The following ZNF737 variants were observed in gnomAD, a reference collection of about 807,000 sequenced individuals.
ZNF737 encodes the protein zinc finger protein 737, also known as zinc finger protein 102 (Y3).
ZNF737 carries 13 observed loss-of-function variants against 11.7 expected under a neutral mutation model. The observed-to-expected ratio is 1.11, with a 90% CI of 0.73 to 1.77. ZNF737 has a LOEUF of 1.77. ZNF737 is among the 40% of genes most tolerant of loss of function. The probability of loss-of-function intolerance (pLI) is 0.00; values close to 1 mark genes in which losing one functional copy is unlikely to be tolerated. For synonymous variants in ZNF737, 217 were observed against 216.2 expected, an observed-to-expected ratio of 1.00 and a Z score of -0.03; for missense variants, 636 against 638.0, an observed-to-expected ratio of 1.00 and a Z score of 0.03.
Position 20,542,314 on chromosome 19 carries a change from TG to T in ZNF737, c.*2277del. ...CACAATCTTGCCCCACTGCAACCTCTGCCTCCCAGGTTCAAGTGTTTCTCCT... is the reference window on the plus strand; with the variant it reads ...CACAATCTTGCCCCACTGCAACCTCTCCTCCCAGGTTCAAGTGTTTCTCCT... On this transcript the variant is annotated 3_prime_UTR_variant, in exon 4 of 4. Transcript: ENST00000427401. 1 of 507,980 alleles carries T rather than the reference TG, an allele frequency of 2.0e-6. No homozygotes were observed. Among genetic ancestry groups the T allele is most frequent in the Non-Finnish European group, 2.5e-6 (1 of 393,954 alleles). The allele number at this position is 507,980 out of a possible 1,614,324, so 31.5% of individuals were successfully genotyped here.
intron 1 of ZNF737, among the ~76,000 whole-genome samples, chr19:20,558,930 G>A (rs1568435885): frequency 6.6e-6 from 1 of 152,220 alleles, no homozygotes; most frequent in Non-Finnish European, 1.5e-5. Context: ...CAAGGGAAAT[G>A]TGGGAAGAAT....
At chr19:20,537,468 CTGA>C (rs145617814), downstream of ZNF737, among the ~76,000 whole-genome samples, 6,732 of 145,596 alleles carry the variant, frequency 0.046, 233 homozygotes, top group Middle Eastern at 0.18. Flanking sequence ...TCCCAAAATG[CTGA>C]CATTACAGGC....
downstream of ZNF737, among the ~76,000 whole-genome samples, chr19:20,534,890 CAAGT>C (rs1373061036): frequency 6.7e-6 from 1 of 150,044 alleles, no homozygotes; most frequent in African/African-American, 2.5e-5. Flanking sequence ...TATATTGTCT[CAAGT>C]TATGTTAACA....
At position 20,542,737 on chromosome 19, in the gene ZNF737, T is replaced by C; in HGVS notation, c.*1855A>G. The C allele has an allele frequency of 2.0e-6, 2 of 984,480 alleles. No individual in the cohort carries two copies. The highest frequency in any genetic ancestry group is 2.4e-6 in the Non-Finnish European group (2 of 829,126). The allele number at this position is 984,480 out of a possible 1,614,324, so 61.0% of individuals were successfully genotyped here. On this transcript the variant is annotated 3_prime_UTR_variant, in exon 4 of 4. Coordinates refer to ENST00000427401, the MANE Select transcript of ZNF737 (RefSeq NM_001159293.2). ...TATTTTCATTATGCGTCTTACATTT[T>C]AATGTTCTTACTATTTTATAGAAAA... is the stretch of plus-strand genomic sequence containing the variant.
rs139366556 is a variant in ZNF737, at chr19:20,541,864, T to G, written c.*2728A>C. ...TAATACAAAAGATAAATGCTAGAGG[T>G]GATGGATACCTTATTTACCATAATG... On this transcript the variant is annotated 3_prime_UTR_variant, in exon 4 of 4. Coordinates refer to ENST00000427401, the MANE Select transcript of ZNF737 (RefSeq NM_001159293.2). 6 of 222,620 alleles carry G rather than the reference T, an allele frequency of 2.7e-5. No homozygotes were observed. Among genetic ancestry groups the G allele is most frequent in the Non-Finnish European group, 4.5e-5 (6 of 132,768 alleles). The allele number at this position is 222,620 out of a possible 1,614,324, so 13.8% of individuals were successfully genotyped here.
At chr19:20,553,372 C>T (rs1409712451) in intron 2 of ZNF737, among the ~76,000 whole-genome samples, 2 of 152,142 alleles carry the variant, frequency 1.3e-5, no homozygotes, top group Non-Finnish European at 2.9e-5. Flanking sequence ...TATTCTCCTG[C>T]CTCACCTTCC....
rs1555754543 is a variant in ZNF737 at position 20,539,112 on chromosome 19, A to T, written c.*5480T>A. 1 of 633,598 alleles carries T rather than the reference A, an allele frequency of 1.6e-6. No homozygotes were observed. Among genetic ancestry groups the T allele is most frequent in the East Asian group, 1.6e-4 (1 of 6,360 alleles). The allele number at this position is 633,598 out of a possible 1,614,324, so 39.2% of individuals were successfully genotyped here. ...GGAGTTCAAGACAAGCCTGGCTAAC[A>T]TGATGAAATCCCATCTCTACTACAA... On this transcript the variant is annotated 3_prime_UTR_variant, in exon 4 of 4. Coordinates refer to ENST00000427401, the MANE Select transcript of ZNF737 (RefSeq NM_001159293.2).
chr19:20,559,903 A>C (rs1255553148), intron 1 of ZNF737, among the ~76,000 whole-genome samples: 1 of 152,082 alleles, frequency 6.6e-6, no homozygotes, highest in Non-Finnish European at 1.5e-5. Flanking sequence ...GCAGTGGTTC[A>C]CGCCTGTAAT....
At position 20,545,640 on chromosome 19, in the gene ZNF737, A is replaced by G; in HGVS notation, c.563T>C (p.Leu188Pro). 2 of 1,613,996 alleles carry G rather than the reference A, an allele frequency of 1.2e-6. No individual in the cohort carries two copies. The highest frequency in any genetic ancestry group is 1.1e-5 in the South Asian group (1 of 91,044). Residue 188 changes from leucine (L) to proline (P), a missense_variant, in exon 4 of 4, where the codon CTT (leucine) becomes CCT (proline). Transcript: ENST00000427401. ...CGKAFNQSST[L>P]TTHKKIHTGE... ...AGTATGAATTTTCTTATGTGTAGTAAGGGTTGAAGACTGGTTAAAAGCTTT... is the reference window on the plus strand; with the variant it reads ...AGTATGAATTTTCTTATGTGTAGTAGGGGTTGAAGACTGGTTAAAAGCTTT...
chr19:20,555,238 A>G (rs1469963342), intron 1 of ZNF737, among the ~76,000 whole-genome samples: 1 of 150,170 alleles, frequency 6.7e-6, no homozygotes, highest in Non-Finnish European at 1.5e-5. Context: ...GCTGGAGTGC[A>G]GTGGCGCAAC....
downstream of ZNF737, among the ~76,000 whole-genome samples, chr19:20,530,862 G>A (rs569172207): frequency 2.0e-5 from 3 of 148,508 alleles, 1 homozygote; most frequent in South Asian, 6.7e-4. Context: ...TGCACTTTGG[G>A]GGGCCAAGGC....
At chr19:20,561,265 G>A (rs1555762366) in intron 1 of ZNF737, among the ~76,000 whole-genome samples, 1 of 152,144 alleles carries the variant, frequency 6.6e-6, no homozygotes, top group African/African-American at 2.4e-5. Flanking sequence ...GTCTGGGGGT[G>A]GGGATACGCC....
In ZNF737 at chr19:20,539,422, A is replaced by G. The variant is rs33935; in HGVS notation, c.*5170T>C. 46,869 of 985,396 alleles carry G rather than the reference A, an allele frequency of 0.048. 1,266 individuals are homozygous for G. The highest frequency in any genetic ancestry group is 0.19 in the East Asian group (1,649 of 8,810). The allele number at this position is 985,396 out of a possible 1,614,324, so 61.0% of individuals were successfully genotyped here. On this transcript the variant is annotated 3_prime_UTR_variant, in exon 4 of 4. Transcript: ENST00000427401. ...AAAAACAATCATTGAGCAAAGCTTA[A>G]ATCTTGCCTTTGTTTCTTGTTAGTC...
At chr19:20,530,527 C>T in the ZNF737 span, among the ~76,000 whole-genome samples, 11 of 146,188 alleles carry the variant, frequency 7.5e-5, 1 homozygote, top group Middle Eastern at 3.5e-3. Flanking sequence ...GGTTGCCAGG[C>T]GGAGGGTCTC....
chr19:20,538,021 G>A lies in ZNF737; in HGVS notation c.*6571C>T. The A allele has an allele frequency of 1.0e-6, 1 of 974,802 alleles. No individual in the cohort carries two copies. The highest frequency in any genetic ancestry group is 5.3e-4 in the Middle Eastern group (1 of 1,894). 60.4% of individuals were successfully genotyped at this position (974,802 alleles called of 1,614,324 possible). ...ATTTATAACATTTTATTATCATATG[G>A]AAGAAGTGTATTAACCATGTTTTCA... On this transcript the variant is annotated 3_prime_UTR_variant, in exon 4 of 4. Transcript: ENST00000427401.
intron 1 of ZNF737, 52 bp downstream of exon 1, chr19:20,565,586 G>C: frequency 6.2e-7 from 1 of 1,614,120 alleles, no homozygotes; most frequent in Non-Finnish European, 8.5e-7. Flanking sequence ...ACTTCCCACC[G>C]GTTCCAACCA....
In ZNF737 at chr19:20,553,741, A is replaced by G; in HGVS notation, c.98T>C (p.Met33Thr). ...TAQRNLYRNV[M>T]LENYRNLVFL... Reference sequence around the variant, plus strand: ...GACCAGGTTTCTGTAGTTCTCTAACATCACATTCCTATATAAATTCCGCTG... The same window carrying G: ...GACCAGGTTTCTGTAGTTCTCTAACGTCACATTCCTATATAAATTCCGCTG... Residue 33 changes from methionine (M) to threonine (T), a missense_variant, in exon 2 of 4, where the codon ATG becomes ACG. Transcript: ENST00000427401. 2 of 1,614,010 alleles carry G rather than the reference A, an allele frequency of 1.2e-6. No homozygotes were observed. The highest frequency in any genetic ancestry group is 8.5e-7 in the Non-Finnish European group (1 of 1,179,946).
At chr19:20,537,347 C>T (rs1968010670), downstream of ZNF737, among the ~76,000 whole-genome samples, 2 of 151,322 alleles carry the variant, frequency 1.3e-5, no homozygotes, top group Admixed American at 6.6e-5. Context: ...ATTACAGGCA[C>T]CTGCAACCAC....
chr19:20,546,130 C>T (rs1555757027), intron 3 of ZNF737, among the ~76,000 whole-genome samples, 154 bp from the exon 4 acceptor site: 1 of 152,000 alleles, frequency 6.6e-6, no homozygotes, highest in East Asian at 1.9e-4. Flanking sequence ...ATAAATGTAA[C>T]AAAAGTGGAC....
Sources: allele counts gnomAD v4.1 joint callset (sites outside exome capture counted in the v4.1 genomes callset), GRCh38; gene constraint gnomAD v4.1.1; transcripts MANE v1.5; gene names NCBI Gene and HGNC (gene_info 2026-07-23, HGNC 2026-07-21).